IKZF2: variants seen among roughly 807,000 people sequenced by gnomAD.
IKZF2 encodes the protein zinc finger protein Helios.
In IKZF2, 15 loss-of-function variants were observed where a neutral mutation model predicts 49.2. The ratio of observed to expected loss-of-function variants is 0.30; its 90% CI spans 0.20 to 0.47. The LOEUF (loss-of-function observed/expected upper bound fraction) is 0.47. Among genes scored for constraint, IKZF2 ranks in the 20% least tolerant of loss-of-function variants. The pLI, the probability that IKZF2 is intolerant of heterozygous loss-of-function variation, is 1.00. For synonymous variants in IKZF2, 227 were observed against 221.4 expected (o/e 1.03, Z -0.23); for missense variants, 567 against 664.6 (o/e 0.85, Z 1.61).
At chr2:213,087,271 G>C (rs746301995) in intron 4 of IKZF2, among the ~76,000 whole-genome samples, 4 of 152,060 alleles carry the variant, frequency 2.6e-5, no homozygotes, top group Non-Finnish European at 5.9e-5. Context: ...TTGCATAAAG[G>C]CATGGCAGAT....
At chr2:213,062,338 G>T (rs1701773191) in intron 4 of IKZF2, among the ~76,000 whole-genome samples, 1 of 151,268 alleles carries the variant, frequency 6.6e-6, no homozygotes. Flanking sequence ...TTCCTAACCA[G>T]GAAAATAATG....
chr2:213,063,470 G>A (rs1701887829), intron 4 of IKZF2, among the ~76,000 whole-genome samples: 1 of 151,736 alleles, frequency 6.6e-6, no homozygotes, highest in African/African-American at 2.4e-5. Flanking sequence ...TCTAAAATAT[G>A]GGGGGAAATA....
chr2:213,148,011 A>G (rs1432462606), intron 3 of IKZF2, among the ~76,000 whole-genome samples, 199 bp from the exon 4 acceptor site: 1 of 137,996 alleles, frequency 7.2e-6, no homozygotes, highest in Admixed American at 7.0e-5. Context: ...TCAACCCACA[A>G]TAAAAAAAAT....
intron 4 of IKZF2, among the ~76,000 whole-genome samples, chr2:213,079,536 G>A (rs1703693299): frequency 6.8e-6 from 1 of 146,722 alleles, no homozygotes; most frequent in South Asian, 2.2e-4. Context: ...GGAAGGGAGG[G>A]AGGGAAGGAA....
intron 4 of IKZF2, among the ~76,000 whole-genome samples, chr2:213,124,226 ACGCACACATGCGCT>A (rs1186332624): frequency 7.0e-6 from 1 of 143,398 alleles, no homozygotes; most frequent in African/African-American, 2.6e-5. Flanking sequence ...CCTTGTGTGC[ACGCACACATGCGCT>A]CGCGCGCGCG....
intron 4 of IKZF2, among the ~76,000 whole-genome samples, chr2:213,136,554 T>TTTGTGA (rs1398258109): frequency 1.3e-5 from 2 of 152,066 alleles, no homozygotes; most frequent in Non-Finnish European, 2.9e-5. Context: ...CTGATCATTT[T>TTTGTGA]TATGAGTCTA....
intron 4 of IKZF2, among the ~76,000 whole-genome samples, chr2:213,075,691 T>C (rs1703177273): frequency 6.6e-6 from 1 of 152,148 alleles, no homozygotes; most frequent in African/African-American, 2.4e-5. Context: ...TTAATTGATA[T>C]ATACTGACAC....
intron 7 of IKZF2, among the ~76,000 whole-genome samples, chr2:213,018,208 T>A (rs1015665323): frequency 2.0e-5 from 3 of 152,120 alleles, no homozygotes; most frequent in African/African-American, 7.2e-5. Flanking sequence ...AAAGATAATA[T>A]TGAACAAGAT....
rs369766985 is a variant in IKZF2 at position 213,002,991 on chromosome 2, A to G, written c.*4369T>C. On this transcript the variant is annotated 3_prime_UTR_variant, in exon 9 of 9. Coordinates refer to ENST00000434687, the MANE Select transcript of IKZF2 (RefSeq NM_001387220.1). ...ATATTCAGAAATACTATGAAACTAA[A>G]AAGGTAGTAAAGTCTAGTTTCAAAG... 3 of 152,100 alleles carry G rather than the reference A, an allele frequency of 2.0e-5. No individual in the cohort carries two copies. Among genetic ancestry groups the G allele is most frequent in the African/African-American group, 7.2e-5 (3 of 41,524 alleles). The allele number at this position is 152,100 out of a possible 1,614,324, so 9.4% of individuals were successfully genotyped here. A position where few individuals can be genotyped will look rare whatever the true frequency, so the allele number is the denominator to read the frequency against.
intron 4 of IKZF2, among the ~76,000 whole-genome samples, chr2:213,086,866 G>GTTATACT (rs1301074323): frequency 1.3e-5 from 2 of 152,038 alleles, no homozygotes; most frequent in Admixed American, 6.6e-5. Flanking sequence ...CTGATGGAAT[G>GTTATACT]GAATCTAACG....
chr2:213,063,391 C>A (rs1050910888), intron 4 of IKZF2, among the ~76,000 whole-genome samples: 4 of 151,928 alleles, frequency 2.6e-5, no homozygotes, highest in Non-Finnish European at 5.9e-5. Context: ...TCTCTACCAC[C>A]TCTTCTGCCA....
At chr2:213,116,714 G>A (rs1428693818) in intron 4 of IKZF2, among the ~76,000 whole-genome samples, 1 of 152,156 alleles carries the variant, frequency 6.6e-6, no homozygotes, top group Non-Finnish European at 1.5e-5. Context: ...ACTCAAGCCT[G>A]GGTGACAGAG....
intron 4 of IKZF2, among the ~76,000 whole-genome samples, chr2:213,084,432 T>C (rs1704327271): frequency 6.6e-6 from 1 of 152,206 alleles, no homozygotes; most frequent in Admixed American, 6.5e-5. Context: ...GCAATGTTAA[T>C]TTCATTCTTA....
chr2:213,021,632 C>A, intron 7 of IKZF2: 1 of 399,698 alleles, frequency 2.5e-6, no homozygotes. Flanking sequence ...AATTATATGA[C>A]TGATCACTTA....
chr2:213,098,518 AAAGT>A lies in IKZF2; in HGVS notation c.140-41423_140-41420del, dbSNP rs368087002. 3.1e-3 allele frequency among the ~76,000 whole-genome samples: 476 copies of A among 152,240 alleles called. 3 individuals are homozygous for A. Among genetic ancestry groups the A allele is most frequent in the African/African-American group, 0.011 (441 of 41,548 alleles). The stretch of plus-strand genomic sequence containing the variant: ...CTTCCATCACACCATCTTAATTTCA[AAAGT>A]AACATTTTCTTTGCTTCTGAATCTG... On this transcript the variant is annotated intron_variant, in intron 4 of 8. Transcript: ENST00000434687.
chr2:213,039,295 T>C (rs1699374727), intron 6 of IKZF2, among the ~76,000 whole-genome samples: 1 of 152,024 alleles, frequency 6.6e-6, no homozygotes, highest in Non-Finnish European at 1.5e-5. Context: ...TCTGAGCTAT[T>C]TTTGTGGATA....
chr2:213,066,074 A>G (rs181947930), intron 4 of IKZF2, among the ~76,000 whole-genome samples: 1 of 152,226 alleles, frequency 6.6e-6, no homozygotes, highest in African/African-American at 2.4e-5. Context: ...CATCTGCTTA[A>G]CGTAACTGTA....
intron 4 of IKZF2, among the ~76,000 whole-genome samples, chr2:213,064,581 C>T (rs186861256): frequency 7.3e-4 from 111 of 151,970 alleles, no homozygotes; most frequent in East Asian, 5.8e-4. Flanking sequence ...TATTTTTTGG[C>T]GGACAACTAG....
At chr2:213,090,686 G>A (rs889086569) in intron 4 of IKZF2, among the ~76,000 whole-genome samples, 2 of 152,184 alleles carry the variant, frequency 1.3e-5, no homozygotes, top group Non-Finnish European at 1.5e-5. Flanking sequence ...CTTACAAAAA[G>A]GGAAAGTTTA....
Sources: gnomAD v4.1 joint callset for allele counts (sites outside exome capture counted in the v4.1 genomes callset) on GRCh38, gnomAD v4.1.1 for gene constraint, MANE v1.5 for transcripts, NCBI Gene and HGNC (gene_info 2026-07-23, HGNC 2026-07-21) for gene names.